USP30: variants seen among roughly 807,000 people sequenced by gnomAD.
USP30 encodes ubiquitin specific peptidase 30, also known as ubiquitin carboxyl-terminal hydrolase 30.
Under a neutral mutation model 68.2 loss-of-function variants are expected in USP30, and 41 were observed. The observed-to-expected ratio is 0.60, with a 90% CI of 0.47 to 0.78. USP30 has a LOEUF of 0.78. USP30 is among the 30% of genes least tolerant of loss of function. USP30 has a pLI of 0.00. For synonymous variants in USP30, 229 were observed against 253.7 expected, an observed-to-expected ratio of 0.90 and a Z score of 0.93; for missense variants, 522 against 649.4, an observed-to-expected ratio of 0.80 and a Z score of 2.13.
chr12:109,081,618 TGC>T lies in USP30; in HGVS notation c.780+230_780+231del, dbSNP rs373152566. The T allele has an allele frequency of 1.8e-3, 922 of 502,912 alleles. 1 individual carries two copies. Among genetic ancestry groups the T allele is most frequent in the Non-Finnish European group, 2.5e-3 (736 of 291,366 alleles). 31.2% of individuals were successfully genotyped at this position (502,912 alleles called of 1,614,324 possible). On this transcript the variant is annotated intron_variant, in intron 8 of 12. Transcript: ENST00000257548. ...GGCTTTTTGAATACACACGCACGCATGCGCGCACACACACACACACACACACA... is the reference window on the plus strand; with the variant it reads ...GGCTTTTTGAATACACACGCACGCATGCGCACACACACACACACACACACA...
intron 3 of USP30, among the ~76,000 whole-genome samples, chr12:109,040,476 TAAAAAAA>T (rs1165285998): frequency 6.6e-6 from 1 of 152,194 alleles, no homozygotes; most frequent in African/African-American, 2.4e-5. Flanking sequence ...TTAGCATCTT[TAAAAAAA>T]TTAACAATTG....
Position 109,079,481 on chromosome 12 carries a change from A to T in USP30, c.721-1853A>T, listed in dbSNP as rs186851148. 1.8e-4 allele frequency among the ~76,000 whole-genome samples: 26 copies of T among 144,776 alleles called. No homozygotes were observed. The East Asian group carries it at 5.3e-3, about 30-fold the overall frequency. The allele number at this position is 144,776 out of a possible 152,430, so 95.0% of individuals were successfully genotyped here. ...CAGGCTCAAGTTATCCTCCCACCTT[A>T]GCCCCCTGAGCAGCTGGGACTACAG... On this transcript the variant is annotated intron_variant, in intron 7 of 12. Transcript: ENST00000257548.
upstream of USP30, among the ~76,000 whole-genome samples, chr12:109,048,744 A>AAAAAC (rs1256925247): frequency 6.6e-6 from 1 of 151,830 alleles, no homozygotes; most frequent in Non-Finnish European, 1.5e-5. Context: ...TGTCTCAAAA[A>AAAAAC]AAAAAAAAAC....
Position 109,067,176 on chromosome 12 carries a change from C to T in USP30, c.377-348C>T, listed in dbSNP as rs546876478. Among the ~76,000 whole-genome samples the T allele has an allele frequency of 1.9e-3, 267 of 143,880 alleles. 2 individuals carry two copies. Among genetic ancestry groups the T allele is most frequent in the African/African-American group, 6.6e-3 (251 of 37,814 alleles). The allele number at this position is 143,880 out of a possible 152,430, so 94.4% of individuals were successfully genotyped here. The stretch of plus-strand genomic sequence containing the variant: ...TCACCCAGGCTGGAGTGCAGTGGCA[C>T]GATGTCTGCTCACTGCAAGCTCCGC... On this transcript the variant is annotated intron_variant, in intron 3 of 12. Transcript: ENST00000257548.
chr12:109,045,039 G>A (rs1469348838), intron 3 of USP30, among the ~76,000 whole-genome samples: 5 of 131,898 alleles, frequency 3.8e-5, no homozygotes, highest in East Asian at 2.4e-4. Flanking sequence ...GTGCAGTGGC[G>A]CAATCTCTGC....
intron 3 of USP30, among the ~76,000 whole-genome samples, chr12:109,041,872 G>GA (rs2040567661): frequency 6.6e-6 from 1 of 151,682 alleles, no homozygotes; most frequent in Non-Finnish European, 1.5e-5. Flanking sequence ...AGCACAACCA[G>GA]AAAAAAATAG....
At chr12:109,068,921 T>A (rs1227360407) in intron 4 of USP30, among the ~76,000 whole-genome samples, 1 of 152,240 alleles carries the variant, frequency 6.6e-6, no homozygotes, top group Non-Finnish European at 1.5e-5. Context: ...AGGAGCAGAT[T>A]TTCCCTGATT....
chr12:109,068,430 C>T (rs1235990318), intron 4 of USP30, among the ~76,000 whole-genome samples: 2 of 152,162 alleles, frequency 1.3e-5, no homozygotes, highest in Non-Finnish European at 2.9e-5. Context: ...CTTTCTAGCA[C>T]CCCTTATTTT....
Position 109,084,951 on chromosome 12 carries a change from A to G in USP30, c.1169-2A>G. 6.3e-7 allele frequency: 1 copy of G among 1,575,990 alleles called. No individual in the cohort carries two copies. The highest frequency in any genetic ancestry group is 8.6e-7 in the Non-Finnish European group (1 of 1,159,556). On this transcript the variant is annotated splice_acceptor_variant, in intron 11 of 12. Coordinates refer to ENST00000257548, the MANE Select transcript of USP30 (RefSeq NM_032663.5). LOFTEE classifies it high-confidence loss of function. ...ATTGACTCGGGCCTTTTTCTCTTGCAGTTCTGAATCAGCCAGGGGCCCCCA... is the reference window on the plus strand; with the variant it reads ...ATTGACTCGGGCCTTTTTCTCTTGCGGTTCTGAATCAGCCAGGGGCCCCCA...
At chr12:109,056,075 G>T (rs1484457587) in intron 1 of USP30, among the ~76,000 whole-genome samples, 1 of 152,196 alleles carries the variant, frequency 6.6e-6, no homozygotes, top group Non-Finnish European at 1.5e-5. Context: ...GGCTGGTAAC[G>T]TTCCATGTGG....
intron 3 of USP30, among the ~76,000 whole-genome samples, chr12:109,059,167 G>A (rs372390606): frequency 7.9e-5 from 12 of 152,222 alleles, no homozygotes; most frequent in African/African-American, 2.2e-4. Flanking sequence ...CTTGGTAAAG[G>A]TTTTAAGAAA....
At chr12:109,066,166 T>G (rs1182591445) in intron 3 of USP30, among the ~76,000 whole-genome samples, 1 of 149,772 alleles carries the variant, frequency 6.7e-6, no homozygotes, top group Non-Finnish European at 1.5e-5. Flanking sequence ...ATGGGAGGAT[T>G]GCTTGGGCCC....
rs189537015 is a variant in USP30, at chr12:109,038,250, C to A, written c.-135-9340C>A. ...GTTTCCATGTGTTCTCACCATGCAG[C>A]TCCCAATTGTAAGCATGTAAATATG... On this transcript the variant is annotated intron_variant, in intron 3 of 15. Coordinates refer to the USP30 transcript ENST00000392784. Among the ~76,000 whole-genome samples the A allele has an allele frequency of 1.8e-4, 26 of 145,206 alleles. No individual in the cohort carries two copies. In the East Asian group the frequency reaches 4.2e-3, roughly 23 times the overall value.
chr12:109,027,520 C>T (rs1414072116), exon 3 of USP30: 1 of 152,248 alleles, frequency 6.6e-6, no homozygotes, highest in East Asian at 1.9e-4. Context: ...TTCAAGCAAT[C>T]CTCCTGCCTC....
chr12:109,081,828 C>G, intron 8 of USP30, 105 bp from the exon 9 acceptor site: 1 of 1,150,828 alleles, frequency 8.7e-7, no homozygotes, highest in South Asian at 1.3e-5. Flanking sequence ...ACTTTATTGC[C>G]TGCATACATC....
At chr12:109,043,063 A>G (rs1032855404) in intron 3 of USP30, among the ~76,000 whole-genome samples, 1 of 152,214 alleles carries the variant, frequency 6.6e-6, no homozygotes, top group Non-Finnish European at 1.5e-5. Flanking sequence ...AGACTTTTAC[A>G]ATGAAAATCA....
intron 3 of USP30, among the ~76,000 whole-genome samples, chr12:109,038,254 CA>C (rs1445258274): frequency 6.8e-6 from 1 of 147,540 alleles, no homozygotes; most frequent in African/African-American, 2.5e-5. Flanking sequence ...ATGCAGCTCC[CA>C]ATTGTAAGCA....
chr12:109,025,011 G>A (rs1011969362), exon 2 of USP30: 2 of 152,216 alleles, frequency 1.3e-5, no homozygotes, highest in Non-Finnish European at 2.9e-5. Context: ...ATCTGCCCTC[G>A]ATGTGTGAAT....
At chr12:109,081,887 T>C in intron 8 of USP30, 46 bp from the exon 9 acceptor site, 2 of 1,570,704 alleles carry the variant, frequency 1.3e-6, no homozygotes, top group South Asian at 2.2e-5. Context: ...AGTTTCAGTA[T>C]AGCTGTCCTT....
Sources: allele counts gnomAD v4.1 joint callset (sites outside exome capture counted in the v4.1 genomes callset), GRCh38; gene constraint gnomAD v4.1.1; transcripts MANE v1.5; gene names NCBI Gene and HGNC (gene_info 2026-07-23, HGNC 2026-07-21).